Variants in STXBP5L observed in about 807,000 individuals in gnomAD.
The protein encoded by STXBP5L is syntaxin binding protein 5L, also known as syntaxin-binding protein 5-like.
Under a neutral mutation model 144.5 loss-of-function variants are expected in STXBP5L, and 65 were observed. The observed-to-expected ratio is 0.45, with a 90% CI of 0.37 to 0.55. The LOEUF is 0.55. Among genes scored for constraint, STXBP5L ranks in the 20% least tolerant of loss-of-function variants. STXBP5L has a pLI of 0.00. For missense variants in STXBP5L, 1,298 were observed against 1,405.5 expected (o/e 0.92, Z 1.22); for synonymous variants, 505 against 469.6 (o/e 1.08, Z -0.97).
At chr3:121,097,104 C>T (rs1055195471) in intron 5 of STXBP5L, among the ~76,000 whole-genome samples, 1 of 152,230 alleles carries the variant, frequency 6.6e-6, no homozygotes, top group East Asian at 1.9e-4. Flanking sequence ...CCAGTTCAAA[C>T]TTCCTGGCTG....
chr3:121,012,721 G>T (rs922199651), intron 3 of STXBP5L, among the ~76,000 whole-genome samples: 1 of 151,814 alleles, frequency 6.6e-6, no homozygotes, highest in Non-Finnish European at 1.5e-5. Flanking sequence ...ACATGTGCAT[G>T]TGCAGGTTTG....
intron 20 of STXBP5L, among the ~76,000 whole-genome samples, chr3:121,347,166 C>A (rs2045028225): frequency 6.6e-6 from 1 of 152,198 alleles, no homozygotes; most frequent in Non-Finnish European, 1.5e-5. Flanking sequence ...CAGCTTTCTA[C>A]ATATGGCTAG....
Position 121,259,118 on chromosome 3 carries a change from T to G in STXBP5L, c.1908T>G (p.Gly636=). 1 of 1,604,746 alleles carries G rather than the reference T, an allele frequency of 6.2e-7. No individual in the cohort carries two copies. Among genetic ancestry groups the G allele is most frequent in the Non-Finnish European group, 8.5e-7 (1 of 1,174,600 alleles). ...ELVIQLVWVD[G]EPPQQITSLA... is the part of the protein sequence containing the mutation. ...TTATTCAATTGGTGTGGGTAGATGG[T>G]GAACCTCCACAACAGATTACTAGTC... The change falls in exon 18 of 27, where the codon GGT becomes GGG. Residue 636 remains glycine (G), a synonymous_variant. Coordinates refer to ENST00000471454, the MANE Select transcript of STXBP5L (RefSeq NM_001308330.2).
intron 13 of STXBP5L, 69 bp from the exon 14 acceptor site, chr3:121,240,371 G>T (rs2049626607): frequency 7.2e-7 from 1 of 1,389,138 alleles, no homozygotes; most frequent in Non-Finnish European, 1.0e-6. Context: ...ATTATTTTAA[G>T]CTATTTTCAT....
At chr3:121,030,350 T>C (rs1204394824) in intron 3 of STXBP5L, among the ~76,000 whole-genome samples, 2 of 152,072 alleles carry the variant, frequency 1.3e-5, no homozygotes, top group Non-Finnish European at 2.9e-5. Context: ...TATACAGCCA[T>C]AGAAAAGGAT....
intron 3 of STXBP5L, among the ~76,000 whole-genome samples, chr3:120,994,996 A>G (rs1943225335): frequency 1.3e-5 from 2 of 151,988 alleles, no homozygotes; most frequent in East Asian, 3.9e-4. Flanking sequence ...TCCAGGTTCA[A>G]TTTTGGGAGG....
At chr3:121,352,569 A>G (rs180704968) in intron 20 of STXBP5L, among the ~76,000 whole-genome samples, 1 of 151,282 alleles carries the variant, frequency 6.6e-6, no homozygotes, top group East Asian at 1.9e-4. Context: ...CTTATCAGAT[A>G]AGGAGATTTT....
intron 9 of STXBP5L, among the ~76,000 whole-genome samples, chr3:121,196,428 C>T (rs1454526900): frequency 3.3e-5 from 5 of 152,062 alleles, no homozygotes; most frequent in South Asian, 2.1e-4. Context: ...CATGAGCCAC[C>T]GCACCCGGCA....
chr3:121,005,204 T>C (rs1327354995), intron 3 of STXBP5L, among the ~76,000 whole-genome samples: 1 of 152,228 alleles, frequency 6.6e-6, no homozygotes, highest in Non-Finnish European at 1.5e-5. Context: ...GTTGGTAGGC[T>C]ATTAATTATT....
At chr3:121,013,235 A>G (rs777017086) in intron 3 of STXBP5L, among the ~76,000 whole-genome samples, 1 of 151,966 alleles carries the variant, frequency 6.6e-6, no homozygotes, top group Non-Finnish European at 1.5e-5. Flanking sequence ...GCTAGGTTAA[A>G]TGGTAATTCT....
chr3:120,972,925 C>G (rs1940446610), intron 3 of STXBP5L, among the ~76,000 whole-genome samples: 1 of 151,990 alleles, frequency 6.6e-6, no homozygotes, highest in South Asian at 2.1e-4. Flanking sequence ...AAAACTCACT[C>G]TATTGTGGTG....
At chr3:121,162,017 C>T (rs187370364) in intron 9 of STXBP5L, among the ~76,000 whole-genome samples, 21 of 152,064 alleles carry the variant, frequency 1.4e-4, no homozygotes, top group Non-Finnish European at 7.4e-5. Flanking sequence ...ATTAGGAAAA[C>T]TATTACATGT....
At chr3:121,203,992 A>G (rs1347711164) in intron 9 of STXBP5L, among the ~76,000 whole-genome samples, 2 of 152,142 alleles carry the variant, frequency 1.3e-5, no homozygotes, top group South Asian at 2.1e-4. Context: ...TAATCCCAGC[A>G]CTTTGGGAGG....
intron 2 of STXBP5L, among the ~76,000 whole-genome samples, chr3:120,940,010 C>G (rs2107648710): frequency 6.6e-6 from 1 of 152,152 alleles, no homozygotes; most frequent in Non-Finnish European, 1.5e-5. Flanking sequence ...CATTCTATTT[C>G]TGTAATTTTG....
chr3:121,094,625 G>T (rs558521353), intron 5 of STXBP5L, among the ~76,000 whole-genome samples: 1 of 151,806 alleles, frequency 6.6e-6, no homozygotes, highest in Non-Finnish European at 1.5e-5. Flanking sequence ...CATTTGCTTG[G>T]TAGATCTTCC....
chr3:121,094,427 C>G (rs1447479355), intron 5 of STXBP5L, among the ~76,000 whole-genome samples: 1 of 151,910 alleles, frequency 6.6e-6, no homozygotes. Context: ...ATAGGTCACT[C>G]AGGACTTGCT....
intron 2 of STXBP5L, among the ~76,000 whole-genome samples, chr3:120,954,271 C>T (rs1937776398): frequency 6.6e-6 from 1 of 151,942 alleles, no homozygotes; most frequent in African/African-American, 2.4e-5. Flanking sequence ...TTTATTGTAC[C>T]ATTTTATGAG....
In STXBP5L at chr3:120,980,199, T is replaced by G. The variant is rs536614108; in HGVS notation, c.287+25162T>G. On this transcript the variant is annotated intron_variant, in intron 3 of 26. Coordinates refer to ENST00000471454, the MANE Select transcript of STXBP5L (RefSeq NM_001308330.2). The stretch of plus-strand genomic sequence containing the variant: ...CAGGAGAATATATATTGTGTGGTTG[T>G]TGGCTAGAATGTTTTGTAAATTTCT... Among the ~76,000 whole-genome samples the G allele has an allele frequency of 2.0e-5, 3 of 152,320 alleles. No homozygotes were observed. In the East Asian group the frequency reaches 5.8e-4, roughly 29 times the overall value.
chr3:121,143,485 C>G (rs2045591016), intron 7 of STXBP5L, among the ~76,000 whole-genome samples: 1 of 151,794 alleles, frequency 6.6e-6, no homozygotes, highest in Non-Finnish European at 1.5e-5. Flanking sequence ...GCATCATGAT[C>G]AAGTGGGATC....
Sources: allele counts gnomAD v4.1 joint callset (sites outside exome capture counted in the v4.1 genomes callset), GRCh38; gene constraint gnomAD v4.1.1; transcripts MANE v1.5; gene names NCBI Gene and HGNC (gene_info 2026-07-23, HGNC 2026-07-21).